Variants in PPP2R2C observed in about 807,000 individuals in gnomAD.
PPP2R2C encodes protein phosphatase 2 regulatory subunit Bgamma.
PPP2R2C carries 10 observed loss-of-function variants against 45.3 expected under a neutral mutation model. The observed-to-expected ratio is 0.22, with a 90% CI of 0.14 to 0.37. PPP2R2C has a LOEUF of 0.37. Among genes scored for constraint, PPP2R2C ranks in the 10% least tolerant of loss-of-function variants. PPP2R2C has a pLI of 1.00. For missense variants in PPP2R2C, 308 were observed against 619.7 expected, an observed-to-expected ratio of 0.50 and a Z score of 5.34; for synonymous variants, 257 against 245.4, an observed-to-expected ratio of 1.05 and a Z score of -0.44.
intron 2 of PPP2R2C, among the ~76,000 whole-genome samples, chr4:6,533,571 C>T (rs889382680): frequency 5.9e-5 from 9 of 152,200 alleles, no homozygotes; most frequent in African/African-American, 1.9e-4. Flanking sequence ...TGTTTTATGT[C>T]GTTAATGCCT....
chr4:6,326,639 A>G (rs1731966047), intron 8 of PPP2R2C, among the ~76,000 whole-genome samples: 1 of 152,206 alleles, frequency 6.6e-6, no homozygotes, highest in South Asian at 2.1e-4. Context: ...CTCATCCCCA[A>G]AGCGGCCACG....
chr4:6,331,790 GC>G lies in PPP2R2C; in HGVS notation c.960+1771del, dbSNP rs998301261. On this transcript the variant is annotated intron_variant, in intron 7 of 8. Transcript: ENST00000382599. The surrounding 1 kb of genome is among the most constrained non-coding windows in gnomAD (Gnocchi z 5.9). The stretch of plus-strand genomic sequence containing the variant: ...ACTGTGGCGCTGCCGGGGTCATGGA[GC>G]CCCCCCACCTTCCTGGACTGCCCTC... Among the ~76,000 whole-genome samples, 1 of 152,054 alleles carries G rather than the reference GC, an allele frequency of 6.6e-6. No homozygotes were observed. Among genetic ancestry groups the G allele is most frequent in the African/African-American group, 2.4e-5 (1 of 41,398 alleles).
rs112073011 is a variant in PPP2R2C at position 6,534,748 on chromosome 4, G to A, written c.49+523C>T. Among the ~76,000 whole-genome samples, 1,161 of 152,164 alleles carry A rather than the reference G, an allele frequency of 7.6e-3. 12 individuals are homozygous for A. The highest frequency in any genetic ancestry group is 0.027 in the African/African-American group (1,103 of 41,512). On this transcript the variant is annotated intron_variant, in intron 2 of 9. Coordinates refer to the PPP2R2C transcript ENST00000506140. ...CCCTGTACTTCGCAGTGACAACCCCGCCTCCGCATGGCTGCCCTGGTGGAT... is the reference window on the plus strand; with the variant it reads ...CCCTGTACTTCGCAGTGACAACCCCACCTCCGCATGGCTGCCCTGGTGGAT...
rs187659800 is a variant in PPP2R2C, at chr4:6,438,426, T to C, written c.70+33734A>G. ...TGCGCACCTACCTCTTAGCTCAGTT[T>C]GGAAGAGTTTGGTGGACGGGTCTCC... On this transcript the variant is annotated intron_variant, in intron 1 of 8. Coordinates refer to ENST00000382599, the MANE Select transcript of PPP2R2C (RefSeq NM_020416.4). Among the ~76,000 whole-genome samples, 399 of 152,310 alleles carry C rather than the reference T, an allele frequency of 2.6e-3. 2 individuals are homozygous for C. Among genetic ancestry groups the C allele is most frequent in the Non-Finnish European group, 2.6e-3 (177 of 68,022 alleles).
intron 1 of PPP2R2C, among the ~76,000 whole-genome samples, chr4:6,537,551 G>GTTTTTTTT (rs66460332): frequency 7.8e-6 from 1 of 127,644 alleles, no homozygotes; most frequent in African/African-American, 3.1e-5. Flanking sequence ...AAGATTTTTT[G>GTTTTTTTT]TTTTTTTTTT....
At chr4:6,341,561 C>T (rs1733449052) in intron 6 of PPP2R2C, among the ~76,000 whole-genome samples, 1 of 152,144 alleles carries the variant, frequency 6.6e-6, no homozygotes, top group Non-Finnish European at 1.5e-5. Flanking sequence ...CGTCTATCTA[C>T]ATCCTCCACC....
At chr4:6,497,480 A>G (rs1051614610) in intron 2 of PPP2R2C, among the ~76,000 whole-genome samples, 1 of 152,176 alleles carries the variant, frequency 6.6e-6, no homozygotes, top group Admixed American at 6.5e-5. Context: ...AAAAGAAAAA[A>G]AAATTAAAAT....
intron 1 of PPP2R2C, among the ~76,000 whole-genome samples, chr4:6,439,622 TCTC>T (rs1311994814): frequency 6.6e-6 from 1 of 152,102 alleles, no homozygotes; most frequent in African/African-American, 2.4e-5. Context: ...AGTCTGCTCT[TCTC>T]CTCTGCTCTT....
At chr4:6,391,680 C>T (rs2109333627) in intron 1 of PPP2R2C, among the ~76,000 whole-genome samples, 1 of 152,340 alleles carries the variant, frequency 6.6e-6, no homozygotes, top group Admixed American at 6.5e-5. Context: ...GACTGGTGGT[C>T]AGCCTGCCAG....
At chr4:6,457,172 T>C (rs1047317770) in intron 1 of PPP2R2C, among the ~76,000 whole-genome samples, 4 of 126,546 alleles carry the variant, frequency 3.2e-5, no homozygotes, top group Non-Finnish European at 4.7e-5. Context: ...GACACCACTG[T>C]ACCCCGACCT....
chr4:6,338,344 A>G (rs547762438), intron 6 of PPP2R2C, among the ~76,000 whole-genome samples: 1 of 152,236 alleles, frequency 6.6e-6, no homozygotes, highest in Non-Finnish European at 1.5e-5. Context: ...TGACAACCAC[A>G]TCCTCTTCCT....
At chr4:6,393,565 C>T (rs1436494417) in intron 1 of PPP2R2C, among the ~76,000 whole-genome samples, 1 of 152,234 alleles carries the variant, frequency 6.6e-6, no homozygotes, top group African/African-American at 2.4e-5. Context: ...GCCCCCATGG[C>T]CCCGGCCTCC....
At chr4:6,428,672 C>T (rs982634206) in intron 1 of PPP2R2C, among the ~76,000 whole-genome samples, 3 of 152,258 alleles carry the variant, frequency 2.0e-5, no homozygotes, top group African/African-American at 4.8e-5. Context: ...ATAAGCCAGA[C>T]ATCACTGACA....
intron 5 of PPP2R2C, among the ~76,000 whole-genome samples, chr4:6,363,436 G>A (rs1036134751): frequency 1.3e-5 from 2 of 151,984 alleles, no homozygotes; most frequent in East Asian, 1.9e-4. Context: ...AAAATTAGCC[G>A]GGCGTGGTGG....
intron 1 of PPP2R2C, among the ~76,000 whole-genome samples, chr4:6,446,186 G>C (rs1013142768): frequency 1.3e-5 from 2 of 152,166 alleles, no homozygotes; most frequent in African/African-American, 4.8e-5. Flanking sequence ...GAACCGCCTA[G>C]AACCACGTTC....
intron 1 of PPP2R2C, among the ~76,000 whole-genome samples, chr4:6,461,794 T>C (rs1260501000): frequency 6.6e-6 from 1 of 152,260 alleles, no homozygotes; most frequent in Non-Finnish European, 1.5e-5. Context: ...GTGCTGGTCC[T>C]GCTGTATGTA....
At chr4:6,540,801 C>T (rs182275814) in intron 1 of PPP2R2C, among the ~76,000 whole-genome samples, 2 of 152,254 alleles carry the variant, frequency 1.3e-5, no homozygotes, top group East Asian at 3.9e-4. Context: ...GGGAAGAAAG[C>T]AAAAATCTCC....
intron 5 of PPP2R2C, chr4:6,350,430 G>C (rs1178128398): frequency 1.0e-6 from 1 of 985,364 alleles, no homozygotes; most frequent in African/African-American, 1.7e-5. Flanking sequence ...GCAGGGCAGA[G>C]AGGGGCTACA....
intron 1 of PPP2R2C, among the ~76,000 whole-genome samples, chr4:6,462,382 G>A (rs575504140): frequency 5.3e-5 from 8 of 152,324 alleles, no homozygotes; most frequent in East Asian, 1.9e-4. Flanking sequence ...AGGATGCTGA[G>A]GCAGGAGAAT....
Sources: allele counts gnomAD v4.1 joint callset (sites outside exome capture counted in the v4.1 genomes callset), GRCh38; gene constraint gnomAD v4.1.1; non-coding constraint Gnocchi (gnomAD v3.1); transcripts MANE v1.5; gene names NCBI Gene and HGNC (gene_info 2026-07-23, HGNC 2026-07-21).